KIR2DL3: variants seen among roughly 807,000 people sequenced by gnomAD.
The protein encoded by KIR2DL3 is killer cell immunoglobulin-like receptor 2DL3.
Under a neutral mutation model 33.8 loss-of-function variants are expected in KIR2DL3, and 39 were observed. The ratio of observed to expected loss-of-function variants is 1.15; its 90% confidence interval spans 0.89 to 1.51. The LOEUF is 1.51. Among genes scored for constraint, KIR2DL3 ranks in the 40% most tolerant of loss-of-function variants. KIR2DL3 has a pLI of 0.00. For synonymous variants in KIR2DL3, 174 were observed against 160.2 expected (o/e 1.09, Z -0.65); for missense variants, 462 against 426.2 (o/e 1.08, Z -0.74).
chr19:54,741,187 A>G (rs2071020820), intron 2 of KIR2DL3, among the ~76,000 whole-genome samples: 1 of 151,526 alleles, frequency 6.6e-6, no homozygotes, highest in African/African-American at 2.4e-5. Flanking sequence ...AAACAACCCA[A>G]GGAAAGCCAG....
chr19:54,741,010 CAA>C (rs1448070811), intron 2 of KIR2DL3, among the ~76,000 whole-genome samples: 1 of 151,666 alleles, frequency 6.6e-6, no homozygotes, highest in East Asian at 1.9e-4. Flanking sequence ...CCAGAGGGAA[CAA>C]AGCCCTGCAG....
intron 4 of KIR2DL3, among the ~76,000 whole-genome samples, chr19:54,744,930 A>ATGTG (rs1284115479): frequency 7.8e-3 from 166 of 21,182 alleles, no homozygotes; most frequent in African/African-American, 0.019. Flanking sequence ...ACATATATAT[A>ATGTG]TATATATATA....
chr19:54,741,531 G>T (rs367720692), intron 2 of KIR2DL3, among the ~76,000 whole-genome samples: 9,145 of 152,008 alleles, frequency 0.06, 369 homozygotes, highest in African/African-American at 0.12. Context: ...GGCAAGAGTG[G>T]CTCCCAGTCC....
Position 54,747,489 on chromosome 19 carries a change from T to C in KIR2DL3, c.715+104T>C. On this transcript the variant is annotated intron_variant, in intron 5 of 7. Coordinates refer to ENST00000342376, the MANE Select transcript of KIR2DL3 (RefSeq NM_015868.3). ...TCTCGCAGCTCTGACATTGTACGCC[T>C]GTCTTCTACCATCTCCGAACTCCAG... 4.2e-6 allele frequency: 6 copies of C among 1,419,294 alleles called. No individual in the cohort carries two copies. The South Asian group carries it at 4.6e-5, about 11-fold the overall frequency. 87.9% of individuals were successfully genotyped at this position (1,419,294 alleles called of 1,614,324 possible).
rs1215157123 is a variant in KIR2DL3, at chr19:54,749,460, C to T, written c.715+2075C>T. Among the ~76,000 whole-genome samples the T allele has an allele frequency of 2.5e-5, 3 of 122,074 alleles. No individual in the cohort carries two copies. In the East Asian group the frequency reaches 6.1e-4, roughly 25 times the overall value. The allele number at this position is 122,074 out of a possible 152,430, so 80.1% of individuals were successfully genotyped here. ...GAGGTAGAATCATTGACTGGAAACG[C>T]TTACTGGGTTTGATTTTCCTACTTG... On this transcript the variant is annotated intron_variant, in intron 5 of 7. Transcript: ENST00000342376.
At chr19:54,744,932 A>ATGTGTG (rs1366764054) in intron 4 of KIR2DL3, among the ~76,000 whole-genome samples, 1 of 23,528 alleles carries the variant, frequency 4.3e-5, no homozygotes, top group African/African-American at 1.4e-4. Flanking sequence ...ATATATATAT[A>ATGTGTG]TATATATATA....
chr19:54,746,705 G>A (rs1213939885), intron 4 of KIR2DL3, among the ~76,000 whole-genome samples: 1 of 150,492 alleles, frequency 6.6e-6, no homozygotes, highest in Non-Finnish European at 1.5e-5. Context: ...TGGATGGGCT[G>A]GGCATGGTGG....
chr19:54,751,291 A>T lies in KIR2DL3; in HGVS notation c.716-358A>T, dbSNP rs571859396. On this transcript the variant is annotated intron_variant, in intron 5 of 7. Transcript: ENST00000342376. ...AACAACCAGCTCTCCAGGAACTAAT[A>T]GAAGGGGAACTTGCTAACCCCGTCT... Among the ~76,000 whole-genome samples the T allele has an allele frequency of 3.8e-5, 5 of 131,300 alleles. 1 individual carries two copies. The East Asian group carries it at 6.0e-4, about 16-fold the overall frequency. 86.1% of individuals were successfully genotyped at this position (131,300 alleles called of 152,430 possible).
At position 54,747,402 on chromosome 19, in the gene KIR2DL3, C is replaced by G. The variant is rs1362819168; in HGVS notation, c.715+17C>G. On this transcript the variant is annotated intron_variant, in intron 5 of 7. Transcript: ENST00000342376. ...CCGAAACCGGTGAGTACAGAACCCTCTTATATCCGCTTTTGGAAACCTGGG... is the reference window on the plus strand; with the variant it reads ...CCGAAACCGGTGAGTACAGAACCCTGTTATATCCGCTTTTGGAAACCTGGG... 1 of 1,609,250 alleles carries G rather than the reference C, an allele frequency of 6.2e-7. No individual in the cohort carries two copies. Among genetic ancestry groups the G allele is most frequent in the South Asian group, 1.1e-5 (1 of 90,972 alleles).
At chr19:54,740,006 C>A (rs1600301481) in intron 2 of KIR2DL3, among the ~76,000 whole-genome samples, 1 of 151,918 alleles carries the variant, frequency 6.6e-6, no homozygotes, top group Non-Finnish European at 1.5e-5. Context: ...TCATGTCTAC[C>A]CTGTGTTGTT....
At chr19:54,742,584 G>A (rs1390950881) in intron 3 of KIR2DL3, among the ~76,000 whole-genome samples, 2 of 151,932 alleles carry the variant, frequency 1.3e-5, no homozygotes, top group African/African-American at 4.8e-5. Flanking sequence ...TCACAGACCT[G>A]GCACAGGTTA....
chr19:54,740,212 G>A (rs1281326393), intron 2 of KIR2DL3, among the ~76,000 whole-genome samples: 1 of 151,976 alleles, frequency 6.6e-6, no homozygotes, highest in East Asian at 1.9e-4. Context: ...TCTGAGCACA[G>A]GGAGGGAAGG....
rs1333722889 is a variant in KIR2DL3, at chr19:54,751,966, T to G, written c.820+213T>G. Among the ~76,000 whole-genome samples the G allele has an allele frequency of 3.7e-5, 5 of 134,090 alleles. 2 individuals are homozygous for G. Among genetic ancestry groups the G allele is most frequent in the Non-Finnish European group, 8.2e-5 (5 of 60,920 alleles). The allele number at this position is 134,090 out of a possible 152,430, so 88.0% of individuals were successfully genotyped here. On this transcript the variant is annotated intron_variant, in intron 6 of 7. Transcript: ENST00000342376. ...TTCTGAACTGTATCCTCATGTCCCC[T>G]GCAGCCACTCACATCCAGGAGAAGG...
intron 4 of KIR2DL3, among the ~76,000 whole-genome samples, chr19:54,746,420 G>T (rs1293306066): frequency 4.1e-5 from 6 of 146,308 alleles, no homozygotes. Context: ...GTCTATTTTT[G>T]CTTCGATTAC....
At chr19:54,740,690 G>A (rs1425642160) in intron 2 of KIR2DL3, among the ~76,000 whole-genome samples, 1 of 152,052 alleles carries the variant, frequency 6.6e-6, no homozygotes, top group African/African-American at 2.4e-5. Context: ...AGGGAAATGG[G>A]TGCTGTGGTG....
intron 6 of KIR2DL3, among the ~76,000 whole-genome samples, 200 bp downstream of exon 6, chr19:54,751,953 T>C (rs868799720): frequency 1.2e-4 from 15 of 129,032 alleles, no homozygotes; most frequent in South Asian, 1.1e-3. Context: ...CTGAACTGTA[T>C]CCTCATGTCC....
Position 54,751,746 on chromosome 19 carries a change from C to A in KIR2DL3, c.813C>A (p.Asn271Lys), listed in dbSNP as rs759464676. The A allele has an allele frequency of 1.4e-6, 2 of 1,456,320 alleles. No individual in the cohort carries two copies. The highest frequency in any genetic ancestry group is 1.8e-5 in the Admixed American group (1 of 54,224). 90.2% of individuals were successfully genotyped at this position (1,456,320 alleles called of 1,614,324 possible). A position where few individuals can be genotyped will look rare whatever the true frequency, so the allele number is the denominator to read the frequency against. Reference protein sequence around the residue: ...LFFLLHRWCCNKKNAVVMDQE... With the variant: ...LFFLLHRWCCKKKNAVVMDQE... ...TTCTCCTTCATCGCTGGTGCTGCAACAAAAAAAGTAAGTCTCACGAAGCAG... is the reference window on the plus strand; with the variant it reads ...TTCTCCTTCATCGCTGGTGCTGCAAAAAAAAAAGTAAGTCTCACGAAGCAG... Residue 271 changes from asparagine to lysine, a missense_variant, in exon 6 of 8, where the codon AAC becomes AAA. Physicochemically the swap from Asn to Lys is moderately conservative, Grantham distance 94. Coordinates refer to ENST00000342376, the MANE Select transcript of KIR2DL3 (RefSeq NM_015868.3).
chr19:54,747,150 C>T (rs1053800628), intron 4 of KIR2DL3, among the ~76,000 whole-genome samples, 185 bp from the exon 5 acceptor site: 1 of 146,712 alleles, frequency 6.8e-6, no homozygotes, highest in Non-Finnish European at 1.5e-5. Flanking sequence ...CCTGTTTTCT[C>T]TTTATACCTT....
At chr19:54,746,379 A>T (rs1368651337) in intron 4 of KIR2DL3, among the ~76,000 whole-genome samples, 2 of 141,440 alleles carry the variant, frequency 1.4e-5, no homozygotes, top group Non-Finnish European at 1.6e-5. Context: ...TTAGCGGTGC[A>T]GAAGTTGCTT....
Sources: allele counts gnomAD v4.1 joint callset (sites outside exome capture counted in the v4.1 genomes callset), GRCh38; gene constraint gnomAD v4.1.1; transcripts MANE v1.5; gene names NCBI Gene and HGNC (gene_info 2026-07-23, HGNC 2026-07-21).